WDR72: variants seen among roughly 807,000 people sequenced by gnomAD.
WDR72 encodes WD repeat domain 72.
Under a neutral mutation model 124.2 loss-of-function variants are expected in WDR72, and 120 were observed. That is an observed-to-expected ratio of 0.97 (90% CI 0.83 to 1.12). WDR72 has a LOEUF of 1.12. WDR72 is among the 50% of genes most tolerant of loss of function. The pLI is 0.00. For synonymous variants in WDR72, 452 were observed against 441.7 expected, an observed-to-expected ratio of 1.02 and a Z score of -0.29; for missense variants, 1,387 against 1,278.8, an observed-to-expected ratio of 1.08 and a Z score of -1.29.
chr15:53,746,658 AG>A (rs1226668951), intron 1 of WDR72, among the ~76,000 whole-genome samples: 1 of 152,112 alleles, frequency 6.6e-6, no homozygotes, highest in African/African-American at 2.4e-5. Context: ...AGGTACTGTG[AG>A]GGGCAAAGAT....
At chr15:53,533,306 A>G (rs1264355372) in intron 18 of WDR72, among the ~76,000 whole-genome samples, 1 of 152,170 alleles carries the variant, frequency 6.6e-6, no homozygotes, top group African/African-American at 2.4e-5. Flanking sequence ...GAAGAAGAGT[A>G]TATTTGTAAA....
At chr15:53,679,760 A>G (rs2016312521) in intron 13 of WDR72, among the ~76,000 whole-genome samples, 1 of 152,214 alleles carries the variant, frequency 6.6e-6, no homozygotes, top group South Asian at 2.1e-4. Flanking sequence ...CTTTGGGAAG[A>G]ATCTCAGAGA....
At chr15:53,590,174 A>C (rs2140329399) in intron 18 of WDR72, among the ~76,000 whole-genome samples, 1 of 151,990 alleles carries the variant, frequency 6.6e-6, no homozygotes, top group African/African-American at 2.4e-5. Context: ...ATTAATCTAC[A>C]CAAATGAAGT....
chr15:53,612,323 A>T (rs140160358), intron 16 of WDR72, among the ~76,000 whole-genome samples: 2,334 of 152,252 alleles, frequency 0.015, 26 homozygotes, highest in Non-Finnish European at 0.023. Flanking sequence ...CAGGAGGCAG[A>T]TGAGATTTTT....
chr15:53,647,861 G>C (rs1209890052), intron 14 of WDR72, among the ~76,000 whole-genome samples: 1 of 152,044 alleles, frequency 6.6e-6, no homozygotes, highest in Non-Finnish European at 1.5e-5. Context: ...AGAGAGGCCT[G>C]GTGACTGATT....
At chr15:53,643,422 A>G (rs2014925629) in intron 14 of WDR72, among the ~76,000 whole-genome samples, 1 of 152,054 alleles carries the variant, frequency 6.6e-6, no homozygotes, top group African/African-American at 2.4e-5. Flanking sequence ...TTTTTCTGAA[A>G]TGTCTCTCCT....
At chr15:53,603,660 G>A (rs2414249) in intron 17 of WDR72, among the ~76,000 whole-genome samples, 43,428 of 152,038 alleles carry the variant, frequency 0.29, 7,632 homozygotes, top group Middle Eastern at 0.54. Context: ...AAATCAATGT[G>A]CAAAAATCAT....
intron 7 of WDR72, among the ~76,000 whole-genome samples, chr15:53,712,532 T>C (rs1218441378): frequency 2.6e-5 from 4 of 151,838 alleles, no homozygotes; most frequent in Non-Finnish European, 5.9e-5. Flanking sequence ...GGGGTGGAGG[T>C]TGCAGTGAGC....
rs544121462 is a variant in WDR72 at position 53,526,877 on chromosome 15, G to A, written c.3149-3555C>T. 6.4e-4 allele frequency among the ~76,000 whole-genome samples: 98 copies of A among 152,106 alleles called. 1 individual carries two copies. In the East Asian group the frequency reaches 0.01, roughly 16 times the overall value. Reference sequence around the variant, plus strand: ...ACATTTGAAGGTAAGGGGCAAAAAAGGCAAACTCTTCTTGACAGTTCTGCC... The same window carrying A: ...ACATTTGAAGGTAAGGGGCAAAAAAAGCAAACTCTTCTTGACAGTTCTGCC... On this transcript the variant is annotated intron_variant, in intron 18 of 19. Transcript: ENST00000360509.
At chr15:53,676,047 T>C (rs1478448088) in intron 13 of WDR72, among the ~76,000 whole-genome samples, 1 of 152,136 alleles carries the variant, frequency 6.6e-6, no homozygotes, top group Non-Finnish European at 1.5e-5. Flanking sequence ...GTACCCTCAC[T>C]ATACTCCTAG....
intron 13 of WDR72, among the ~76,000 whole-genome samples, chr15:53,670,496 G>A (rs2015946984): frequency 6.6e-6 from 1 of 152,158 alleles, no homozygotes; most frequent in Non-Finnish European, 1.5e-5. Flanking sequence ...ATGACCCCAT[G>A]CACAACCCTG....
intron 1 of WDR72, among the ~76,000 whole-genome samples, chr15:53,753,498 G>C (rs2018823308): frequency 6.6e-6 from 1 of 152,234 alleles, no homozygotes; most frequent in South Asian, 2.1e-4. Context: ...TTTGGAAAAA[G>C]TGGTAGAGGA....
intron 9 of WDR72, among the ~76,000 whole-genome samples, chr15:53,709,674 C>A (rs1410984003): frequency 2.0e-5 from 3 of 152,152 alleles, no homozygotes; most frequent in African/African-American, 7.2e-5. Context: ...AAAACAGGAA[C>A]CTATTACTGC....
intron 18 of WDR72, among the ~76,000 whole-genome samples, chr15:53,528,411 G>A (rs954979999): frequency 4.6e-5 from 7 of 152,042 alleles, no homozygotes; most frequent in South Asian, 4.1e-4. Flanking sequence ...GGTATCTAAC[G>A]CTTCTTTATA....
At chr15:53,644,779 C>G (rs1368273404) in intron 14 of WDR72, among the ~76,000 whole-genome samples, 5 of 151,978 alleles carry the variant, frequency 3.3e-5, no homozygotes, top group Non-Finnish European at 7.4e-5. Context: ...ATTGGCAGGG[C>G]AAATAGAAGA....
At chr15:53,556,901 C>CAT (rs1294396656) in intron 18 of WDR72, among the ~76,000 whole-genome samples, 23 of 152,066 alleles carry the variant, frequency 1.5e-4, no homozygotes, top group Admixed American at 1.0e-3. Context: ...ATGTATAATA[C>CAT]ATATGTATAC....
At chr15:53,627,091 G>A (rs995722963) in intron 14 of WDR72, among the ~76,000 whole-genome samples, 2 of 152,076 alleles carry the variant, frequency 1.3e-5, no homozygotes, top group African/African-American at 4.8e-5. Flanking sequence ...ATGAGAGAGA[G>A]AAGGGAAATG....
At chr15:53,634,598 G>C (rs1450259885) in intron 14 of WDR72, among the ~76,000 whole-genome samples, 1 of 152,206 alleles carries the variant, frequency 6.6e-6, no homozygotes, top group East Asian at 1.9e-4. Flanking sequence ...ATAGGCTGCA[G>C]GTTGGACAAC....
intron 1 of WDR72, among the ~76,000 whole-genome samples, chr15:53,752,722 G>A (rs1240334276): frequency 2.6e-5 from 4 of 152,032 alleles, no homozygotes; most frequent in Non-Finnish European, 5.9e-5. Flanking sequence ...TGTTTCTTTC[G>A]AGTCAGAATG....
Sources: allele counts gnomAD v4.1 joint callset (sites outside exome capture counted in the v4.1 genomes callset), GRCh38; gene constraint gnomAD v4.1.1; transcripts MANE v1.5; gene names NCBI Gene and HGNC (gene_info 2026-07-23, HGNC 2026-07-21).